Variants in METAP1D observed in about 807,000 individuals in gnomAD.
METAP1D encodes methionyl aminopeptidase type 1D, mitochondrial, also known as methionine aminopeptidase 1D, mitochondrial.
METAP1D carries 31 observed loss-of-function variants against 40.5 expected under a neutral mutation model. The ratio of observed to expected loss-of-function variants is 0.77; its 90% CI spans 0.58 to 1.03. The LOEUF (loss-of-function observed/expected upper bound fraction) is 1.03. Ranked by LOEUF, METAP1D falls within the 50% of genes least tolerant of loss-of-function variation. The pLI is 0.00. For synonymous variants in METAP1D, 151 were observed against 146.4 expected (o/e 1.03, Z -0.22); for missense variants, 411 against 420.7 (o/e 0.98, Z 0.20).
intron 1 of METAP1D, among the ~76,000 whole-genome samples, chr2:172,028,001 G>A (rs1689156760): frequency 6.6e-6 from 1 of 152,174 alleles, no homozygotes; most frequent in South Asian, 2.1e-4. Context: ...AATGTGCTAG[G>A]TCCCCTGGTA....
chr2:172,001,506 C>G lies in METAP1D; in HGVS notation c.40+1497C>G, dbSNP rs373723389. Among the ~76,000 whole-genome samples, 17 of 151,576 alleles carry G rather than the reference C, an allele frequency of 1.1e-4. No individual in the cohort carries two copies. The South Asian group carries it at 3.3e-3, about 30-fold the overall frequency. ...TGAGCTGAGATCATACCACTACACT[C>G]TAGCCTGGGCGACAGAGCGAGACTC... is the stretch of plus-strand genomic sequence containing the variant. On this transcript the variant is annotated intron_variant, in intron 1 of 9. Coordinates refer to ENST00000315796, the MANE Select transcript of METAP1D (RefSeq NM_199227.3).
At chr2:172,030,717 T>C (rs1281805621) in intron 1 of METAP1D, among the ~76,000 whole-genome samples, 1 of 152,236 alleles carries the variant, frequency 6.6e-6, no homozygotes, top group Non-Finnish European at 1.5e-5. Context: ...GGAAATATAC[T>C]GTTTCTTAAG....
intron 1 of METAP1D, among the ~76,000 whole-genome samples, chr2:172,035,982 A>G (rs1045059305): frequency 1.3e-5 from 2 of 151,980 alleles, no homozygotes; most frequent in African/African-American, 4.8e-5. Context: ...TTTATATTGT[A>G]TCTGTAGTGA....
At chr2:172,066,355 G>A (rs754204883) in intron 5 of METAP1D, 49 bp downstream of exon 5, 31 of 1,445,122 alleles carry the variant, frequency 2.1e-5, no homozygotes, top group Non-Finnish European at 1.9e-6. Context: ...CAGAATTGCT[G>A]GTAGCAACAG....
intron 1 of METAP1D, among the ~76,000 whole-genome samples, chr2:172,061,047 A>C (rs1248362542): frequency 6.6e-6 from 1 of 152,216 alleles, no homozygotes; most frequent in Non-Finnish European, 1.5e-5. Flanking sequence ...TGAACTTAAC[A>C]CAGAGTAGTA....
chr2:172,012,769 C>T (rs1005107796), intron 1 of METAP1D, among the ~76,000 whole-genome samples: 1 of 152,158 alleles, frequency 6.6e-6, no homozygotes, highest in Non-Finnish European at 1.5e-5. Flanking sequence ...ATTCATACTG[C>T]TTATGCTTAA....
chr2:172,078,617 T>C (rs1029732976), intron 7 of METAP1D, among the ~76,000 whole-genome samples: 1 of 152,178 alleles, frequency 6.6e-6, no homozygotes, highest in Non-Finnish European at 1.5e-5. Flanking sequence ...TTCGGACCCA[T>C]GCCCTCGAGG....
At chr2:172,037,184 C>T (rs890952420) in intron 1 of METAP1D, among the ~76,000 whole-genome samples, 2 of 152,108 alleles carry the variant, frequency 1.3e-5, no homozygotes, top group African/African-American at 4.8e-5. Context: ...ATCGCTTGAA[C>T]CCGGGAGGCG....
chr2:172,023,049 G>A (rs1017501481), intron 1 of METAP1D, among the ~76,000 whole-genome samples: 1 of 152,160 alleles, frequency 6.6e-6, no homozygotes, highest in Admixed American at 6.5e-5. Context: ...TTAGCTGGGC[G>A]TGGTGGCACA....
intron 1 of METAP1D, among the ~76,000 whole-genome samples, chr2:172,010,194 G>A (rs1195228717): frequency 6.7e-6 from 1 of 149,146 alleles, no homozygotes; most frequent in Admixed American, 6.7e-5. Flanking sequence ...AGGCTGGAGT[G>A]CAGTGGCGCA....
At position 172,034,990 on chromosome 2, in the gene METAP1D, T is replaced by C. The variant is rs550033321; in HGVS notation, c.41-26508T>C. 8.6e-5 allele frequency among the ~76,000 whole-genome samples: 13 copies of C among 152,016 alleles called. 1 individual carries two copies. The highest frequency in any genetic ancestry group is 2.6e-4 in the African/African-American group (11 of 41,542). Reference sequence around the variant, plus strand: ...CCTGATTGTTAGAATTTTTTTCTTTTTTTTTTTTTTGTTGTTTTATTTTCT... The same window carrying C: ...CCTGATTGTTAGAATTTTTTTCTTTCTTTTTTTTTTGTTGTTTTATTTTCT... On this transcript the variant is annotated intron_variant, in intron 1 of 9. Transcript: ENST00000315796.
intron 1 of METAP1D, among the ~76,000 whole-genome samples, chr2:172,017,026 G>T (rs1326181645): frequency 3.3e-5 from 5 of 151,992 alleles, no homozygotes; most frequent in African/African-American, 9.7e-5. Context: ...TGTCATTGTG[G>T]TCTATGCTTC....
intron 2 of METAP1D, among the ~76,000 whole-genome samples, chr2:172,063,450 G>C (rs1690179890): frequency 6.6e-6 from 1 of 152,174 alleles, no homozygotes; most frequent in African/African-American, 2.4e-5. Flanking sequence ...GTTTTGACCA[G>C]AAGTCTACTT....
chr2:172,009,000 G>A, intron 1 of METAP1D, among the ~76,000 whole-genome samples: 1 of 152,048 alleles, frequency 6.6e-6, no homozygotes, highest in East Asian at 1.9e-4. Flanking sequence ...ATCACGCTGT[G>A]CAGAACGGTG....
At chr2:172,069,667 A>G (rs533939836) in intron 5 of METAP1D, among the ~76,000 whole-genome samples, 11 of 152,324 alleles carry the variant, frequency 7.2e-5, no homozygotes, top group African/African-American at 2.6e-4. Flanking sequence ...GTGGGAGTAA[A>G]TGTATAAAAC....
At chr2:172,032,409 C>G (rs1299488074) in intron 1 of METAP1D, among the ~76,000 whole-genome samples, 1 of 152,090 alleles carries the variant, frequency 6.6e-6, no homozygotes. Flanking sequence ...AATAGATCAT[C>G]TTCTAGATAG....
In METAP1D at chr2:172,042,168, CAT is replaced by C. The variant is rs1414043324; in HGVS notation, c.41-19326_41-19325del. The stretch of plus-strand genomic sequence containing the variant: ...ACATATGTATGTGTACATGTGTACA[CAT>C]ATACATATGTATGTGTACATGTGTA... On this transcript the variant is annotated intron_variant, in intron 1 of 9. Coordinates refer to ENST00000315796, the MANE Select transcript of METAP1D (RefSeq NM_199227.3). Among the ~76,000 whole-genome samples the C allele has an allele frequency of 4.1e-5, 2 of 49,054 alleles. 1 individual carries two copies. Among genetic ancestry groups the C allele is most frequent in the Admixed American group, 4.3e-4 (2 of 4,704 alleles). 32.2% of individuals were successfully genotyped at this position (49,054 alleles called of 152,430 possible).
chr2:172,066,235 C>A (rs1285725174), intron 4 of METAP1D, 29 bp from the exon 5 acceptor site: 60 of 1,594,280 alleles, frequency 3.8e-5, no homozygotes, highest in Non-Finnish European at 4.8e-5. Context: ...ATCTGTCTAT[C>A]ACCATTTTTT....
chr2:172,009,190 A>G (rs568972776), intron 1 of METAP1D, among the ~76,000 whole-genome samples: 271 of 151,814 alleles, frequency 1.8e-3, no homozygotes, highest in African/African-American at 6.4e-3. Flanking sequence ...AGGGGCGCCC[A>G]CCACCGCGCC....
Sources: gnomAD v4.1 joint callset for allele counts (sites outside exome capture counted in the v4.1 genomes callset) on GRCh38, gnomAD v4.1.1 for gene constraint, MANE v1.5 for transcripts, NCBI Gene and HGNC (gene_info 2026-07-23, HGNC 2026-07-21) for gene names.